NGLY1: variants seen among roughly 807,000 people sequenced by gnomAD.
The protein encoded by NGLY1 is peptide-N(4)-(N-acetyl-beta-glucosaminyl)asparagine amidase.
NGLY1 carries 68 observed loss-of-function variants against 84.6 expected under a neutral mutation model. The observed-to-expected ratio is 0.80, with a 90% CI of 0.66 to 0.98. The LOEUF (loss-of-function observed/expected upper bound fraction) is 0.98, where lower values mean the gene tolerates loss of function less well. Among genes scored for constraint, NGLY1 ranks in the 50% least tolerant of loss-of-function variants. The pLI, the probability that NGLY1 is intolerant of heterozygous loss-of-function variation, is 0.00. For synonymous variants in NGLY1, 280 were observed against 275.2 expected, an observed-to-expected ratio of 1.02 and a Z score of -0.17; for missense variants, 779 against 770.2, an observed-to-expected ratio of 1.01 and a Z score of -0.14.
At chr3:25,731,983 G>A (rs147642585) in intron 9 of NGLY1, among the ~76,000 whole-genome samples, 10 of 152,118 alleles carry the variant, frequency 6.6e-5, no homozygotes, top group South Asian at 2.1e-4. Flanking sequence ...TCTGGTTGGC[G>A]ATTACATGGG....
chr3:25,783,573 C>G (rs1373252148), upstream of NGLY1: 1 of 104,154 alleles, frequency 9.6e-6, no homozygotes, highest in Admixed American at 4.2e-4. The surrounding 1 kb of genome is among the most constrained non-coding windows in gnomAD (Gnocchi z 4.5). Flanking sequence ...CCTCGGCCGG[C>G]AGGGGCGGGG....
At chr3:25,763,877 G>A (rs760250813) in intron 3 of NGLY1, among the ~76,000 whole-genome samples, 189 bp downstream of exon 3, 2 of 152,186 alleles carry the variant, frequency 1.3e-5, no homozygotes, top group Non-Finnish European at 2.9e-5. Context: ...TAGATCAGAA[G>A]TATTAATGCA....
intron 4 of NGLY1, among the ~76,000 whole-genome samples, chr3:25,747,566 A>G (rs568426713): frequency 6.6e-6 from 1 of 152,326 alleles, no homozygotes; most frequent in Middle Eastern, 3.4e-3. Flanking sequence ...AAAAAGGAAG[A>G]GACACATATA....
Position 25,754,891 on chromosome 3 carries a change from G to C in NGLY1, c.493-3628C>G, listed in dbSNP as rs1575639473. The C allele has an allele frequency of 1.0e-5, 7 of 676,468 alleles. No homozygotes were observed. In the East Asian group the frequency reaches 1.8e-4, roughly 17 times the overall value. 41.9% of individuals were successfully genotyped at this position (676,468 alleles called of 1,614,324 possible). ...CCAACTAAGTTAAAGACTACCAATA[G>C]GCTCTCTCTCCGGATAACGAGTGGC... On this transcript the variant is annotated intron_variant, in intron 3 of 11. Transcript: ENST00000280700.
At chr3:25,724,072 T>C (rs536629919) in intron 10 of NGLY1, among the ~76,000 whole-genome samples, 64 of 152,360 alleles carry the variant, frequency 4.2e-4, no homozygotes, top group Non-Finnish European at 2.9e-4. Flanking sequence ...CTGTAACCAC[T>C]ATTTTCAGGA....
rs59028606 is a variant in NGLY1 at position 25,721,748 on chromosome 3, CAAAAAAA to C, written c.1612-1564_1612-1558del. Among the ~76,000 whole-genome samples the C allele has an allele frequency of 3.9e-5, 2 of 50,702 alleles. 1 individual carries two copies. The highest frequency in any genetic ancestry group is 1.8e-4 in the African/African-American group (2 of 11,398). 33.3% of individuals were successfully genotyped at this position (50,702 alleles called of 152,430 possible). A position where few individuals can be genotyped will look rare whatever the true frequency, so the allele number is the denominator to read the frequency against. On this transcript the variant is annotated intron_variant, in intron 10 of 11. Coordinates refer to ENST00000280700, the MANE Select transcript of NGLY1 (RefSeq NM_018297.4). ...TGGGCGACAGAGCAAGACTCCATCTCAAAAAAAAAAAAAAAAAAAAAAAAAAGAAAAG... is the reference window on the plus strand; with the variant it reads ...TGGGCGACAGAGCAAGACTCCATCTCAAAAAAAAAAAAAAAAAAAGAAAAG...
intron 1 of NGLY1, among the ~76,000 whole-genome samples, chr3:25,788,956 G>A (rs1269645074): frequency 1.3e-5 from 2 of 152,152 alleles, no homozygotes; most frequent in African/African-American, 2.4e-5. Context: ...AGAATGCAGA[G>A]CACTCTACTT....
intron 3 of NGLY1, among the ~76,000 whole-genome samples, chr3:25,751,844 C>G (rs887752448): frequency 6.6e-6 from 1 of 152,208 alleles, no homozygotes; most frequent in Non-Finnish European, 1.5e-5. Flanking sequence ...CTAATTATCT[C>G]GGCTTCTCCC....
intron 2 of NGLY1, among the ~76,000 whole-genome samples, chr3:25,777,395 C>CAAAAA (rs11332980): frequency 4.6e-5 from 4 of 87,418 alleles, no homozygotes; most frequent in Non-Finnish European, 6.5e-5. Context: ...AACTCCATCT[C>CAAAAA]AAAAAAAAAA....
chr3:25,783,206 G>T lies in NGLY1; in HGVS notation c.131+54C>A, dbSNP rs1575671355. The T allele has an allele frequency of 6.5e-7, 1 of 1,535,208 alleles. No homozygotes were observed. The highest frequency in any genetic ancestry group is 9.0e-7 in the Non-Finnish European group (1 of 1,116,482). ...GACGCCCCAGTCCCTGGCCGAACAA[G>T]GTGCCGCGGCCCACCCACCCCGGTA... is the stretch of plus-strand genomic sequence containing the variant. On this transcript the variant is annotated intron_variant, in intron 1 of 11. Coordinates refer to ENST00000280700, the MANE Select transcript of NGLY1 (RefSeq NM_018297.4). This position sits in a 1 kb window ranked among gnomAD's most constrained non-coding sequence, Gnocchi z 4.5.
chr3:25,784,279 A>G (rs1708555618), upstream of NGLY1: 1 of 152,216 alleles, frequency 6.6e-6, no homozygotes, highest in South Asian at 2.1e-4. Flanking sequence ...GCGACATAAT[A>G]ATGGGTTGTG....
intron 4 of NGLY1, among the ~76,000 whole-genome samples, chr3:25,745,644 C>T (rs866634058): frequency 1.3e-5 from 2 of 152,156 alleles, no homozygotes; most frequent in Non-Finnish European, 2.9e-5. Flanking sequence ...ACTTTCACAT[C>T]CATCTTCTCC....
At chr3:25,776,167 G>A in intron 2 of NGLY1, among the ~76,000 whole-genome samples, 1 of 152,146 alleles carries the variant, frequency 6.6e-6, no homozygotes, top group South Asian at 2.1e-4. Context: ...TCTCAGTGTG[G>A]CCTGTTATTT....
chr3:25,777,544 G>A (rs1708215528), intron 2 of NGLY1, among the ~76,000 whole-genome samples: 1 of 151,998 alleles, frequency 6.6e-6, no homozygotes, highest in Non-Finnish European at 1.5e-5. Flanking sequence ...TACTTCTGCT[G>A]GAAATCCTTT....
intron 4 of NGLY1, chr3:25,749,933 G>T: frequency 1.9e-4 from 91 of 489,356 alleles, no homozygotes; most frequent in East Asian, 2.8e-4. Context: ...AAATAAAACT[G>T]TAAAAACTGC....
intron 9 of NGLY1, among the ~76,000 whole-genome samples, chr3:25,732,002 T>C (rs1037094260): frequency 3.3e-5 from 5 of 152,146 alleles, no homozygotes; most frequent in South Asian, 2.1e-4. Flanking sequence ...GGTGTTAAAT[T>C]TGTAAACATT....
chr3:25,787,981 C>G (rs1335717655), upstream of NGLY1, among the ~76,000 whole-genome samples: 1 of 152,170 alleles, frequency 6.6e-6, no homozygotes, highest in Non-Finnish European at 1.5e-5. Flanking sequence ...TTCTCTGAAG[C>G]CTTTTCTGAC....
intron 3 of NGLY1, chr3:25,754,784 C>CAT (rs3080324): frequency 0.76 from 245,698 of 324,236 alleles, 99,978 homozygotes; most frequent in East Asian, 0.92. Flanking sequence ...AGAGATGACT[C>CAT]GTGCTTTTTT....
intron 2 of NGLY1, among the ~76,000 whole-genome samples, chr3:25,766,966 A>G (rs1707608975): frequency 6.6e-6 from 1 of 152,224 alleles, no homozygotes; most frequent in Admixed American, 6.5e-5. Context: ...ACAAAATTAT[A>G]AGCTTAATGC....
Sources: gnomAD v4.1 joint callset for allele counts (sites outside exome capture counted in the v4.1 genomes callset) on GRCh38, gnomAD v4.1.1 for gene constraint, Gnocchi (gnomAD v3.1) non-coding constraint, MANE v1.5 for transcripts, NCBI Gene and HGNC (gene_info 2026-07-23, HGNC 2026-07-21) for gene names.